The following CKAP5 variants were observed in gnomAD, a reference collection of about 807,000 sequenced individuals.
The protein encoded by CKAP5 is cytoskeleton-associated protein 5.
A neutral mutation model predicts 232.8 loss-of-function variants in CKAP5; 27 were observed. The observed-to-expected ratio is 0.12, with a 90% CI of 0.09 to 0.16. The LOEUF is 0.16. Among genes scored for constraint, CKAP5 ranks in the 10% least tolerant of loss-of-function variants. The pLI is 1.00. For missense variants in CKAP5, 1,838 were observed against 2,424.7 expected, an observed-to-expected ratio of 0.76 and a Z score of 5.08; for synonymous variants, 785 against 841.1, an observed-to-expected ratio of 0.93 and a Z score of 1.16.
At chr11:46,765,598 T>C (rs2065195988) in intron 27 of CKAP5, among the ~76,000 whole-genome samples, 1 of 108,082 alleles carries the variant, frequency 9.3e-6, no homozygotes, top group Admixed American at 1.4e-4. Context: ...ATTAATGACA[T>C]CTTTTTTTTT....
In CKAP5 at chr11:46,788,743, G is replaced by T. The variant is rs931678003; in HGVS notation, c.1906C>A (p.Pro636Thr). 6.2e-7 allele frequency: 1 copy of T among 1,608,312 alleles called. No individual in the cohort carries two copies. Among genetic ancestry groups the T allele is most frequent in the Non-Finnish European group, 8.5e-7 (1 of 1,178,046 alleles). Residue 636 changes from proline to threonine, a missense_variant, in exon 16 of 44, where the codon CCA becomes ACA. Pro to Thr is a conservative substitution (Grantham distance 38). Coordinates refer to ENST00000529230, the MANE Select transcript of CKAP5 (RefSeq NM_001008938.4). Reference protein sequence around the residue: ...AVELMDRTEMPCQALVRMLAK... With the variant: ...AVELMDRTEMTCQALVRMLAK... ...AGCATCCTCACTAATGCCTGGCATG[G>T]CATTTCAGTTCGGTCCATTAGCTCA... is the stretch of plus-strand genomic sequence containing the variant.
rs1051576834 is a variant in CKAP5 at position 46,765,246 on chromosome 11, C to A, written c.3422G>T (p.Gly1141Val). 26 of 1,611,066 alleles carry A rather than the reference C, an allele frequency of 1.6e-5. No individual in the cohort carries two copies. The highest frequency in any genetic ancestry group is 2.1e-5 in the Non-Finnish European group (25 of 1,178,882). The change falls in exon 28 of 44, where the codon GGG (glycine) becomes GTG (valine). Residue 1141 changes from glycine (G) to valine (V), a missense_variant. This residue lies in a region of CKAP5 where 767 missense variants were observed against 954.6 expected (regional missense o/e 0.80). Transcript: ENST00000529230. ...GCTGGTTTTGCTTGGCATCTTCTTC[C>A]CTTGTGCACTCTACAACCAAGGTTC... ...GLSSKAKSAQ[G>V]KKMPSKTSLK...
chr11:46,786,287 T>C (rs1214426403), intron 16 of CKAP5, among the ~76,000 whole-genome samples: 1 of 152,224 alleles, frequency 6.6e-6, no homozygotes, highest in Non-Finnish European at 1.5e-5. Flanking sequence ...AGCTCCACAG[T>C]AGCCTTCAAA....
chr11:46,750,156 T>C (rs1413651947), intron 42 of CKAP5, 118 bp downstream of exon 42: 1 of 968,536 alleles, frequency 1.0e-6, no homozygotes, highest in East Asian at 2.4e-5. Flanking sequence ...GGGAAGGCCA[T>C]TTGGTGACCA....
In CKAP5 at chr11:46,829,282, T is replaced by C. The variant is rs146099857; in HGVS notation, c.-37-8014A>G. ...ATGACAAGGATGAAGACCTTTATGA[T>C]GATCCACTTCCATTTAATGAATAGT... On this transcript the variant is annotated intron_variant, in intron 1 of 43. Coordinates refer to ENST00000529230, the MANE Select transcript of CKAP5 (RefSeq NM_001008938.4). Among the ~76,000 whole-genome samples, 400 of 152,326 alleles carry C rather than the reference T, an allele frequency of 2.6e-3. 1 individual carries two copies. Among genetic ancestry groups the C allele is most frequent in the African/African-American group, 9.2e-3 (384 of 41,572 alleles).
In CKAP5 at chr11:46,767,521, A is replaced by G. The variant is rs1176448601; in HGVS notation, c.3411+54T>C. ...ATCCTTCCTAATAGAATGACTCAGT[A>G]TATAAAATATATTTAAAAGCAAGTC... On this transcript the variant is annotated intron_variant, in intron 27 of 43. Transcript: ENST00000529230. 1.8e-5 allele frequency: 20 copies of G among 1,090,362 alleles called. No homozygotes were observed. The East Asian group carries it at 4.0e-4, about 22-fold the overall frequency. The allele number at this position is 1,090,362 out of a possible 1,614,324, so 67.5% of individuals were successfully genotyped here. A position where few individuals can be genotyped will look rare whatever the true frequency, so the allele number is the denominator to read the frequency against.
rs539659480 is a variant in CKAP5, at chr11:46,772,831, T to G, written c.2992-1849A>C. On this transcript the variant is annotated intron_variant, in intron 24 of 43. Coordinates refer to ENST00000529230, the MANE Select transcript of CKAP5 (RefSeq NM_001008938.4). Reference sequence around the variant, plus strand: ...ATCTTGGCTCACTGCAACCTCTGCCTCCCGGGTTCAAGTGATTCTCCTGCC... The same window carrying G: ...ATCTTGGCTCACTGCAACCTCTGCCGCCCGGGTTCAAGTGATTCTCCTGCC... Among the ~76,000 whole-genome samples, 11 of 152,132 alleles carry G rather than the reference T, an allele frequency of 7.2e-5. No homozygotes were observed. In the South Asian group the frequency reaches 2.3e-3, roughly 32 times the overall value.
chr11:46,780,534 T>A, intron 18 of CKAP5, 49 bp from the exon 19 acceptor site: 1 of 1,526,608 alleles, frequency 6.6e-7, no homozygotes, highest in Non-Finnish European at 9.0e-7. Flanking sequence ...ACCCTCAAAA[T>A]ACTCAATAAC....
chr11:46,758,732 T>C, intron 35 of CKAP5, 191 bp downstream of exon 35: 1 of 392,614 alleles, frequency 2.5e-6, no homozygotes, highest in South Asian at 5.1e-5. Flanking sequence ...AAAAAAAAAA[T>C]AAGGCTCTAT....
intron 8 of CKAP5, among the ~76,000 whole-genome samples, chr11:46,803,190 G>A (rs1156443936): frequency 6.6e-6 from 1 of 151,962 alleles, no homozygotes; most frequent in Non-Finnish European, 1.5e-5. Flanking sequence ...CTTGAACCTG[G>A]GAGGCGGAGG....
At chr11:46,782,553 C>A (rs2065353352) in intron 18 of CKAP5, among the ~76,000 whole-genome samples, 1 of 152,086 alleles carries the variant, frequency 6.6e-6, no homozygotes, top group Non-Finnish European at 1.5e-5. Context: ...TATTAACAGG[C>A]ATGTTGCAAA....
In CKAP5 at chr11:46,840,503, C is replaced by T. The variant is rs191120972; in HGVS notation, c.-38+5717G>A. Among the ~76,000 whole-genome samples the T allele has an allele frequency of 2.8e-3, 422 of 152,322 alleles. 2 individuals carry two copies. The highest frequency in any genetic ancestry group is 9.6e-3 in the African/African-American group (400 of 41,570). On this transcript the variant is annotated intron_variant, in intron 1 of 43. Coordinates refer to ENST00000529230, the MANE Select transcript of CKAP5 (RefSeq NM_001008938.4). ...CCCTGTCAAAATTTTTAACACTTATCCTAAGGCACTGTTAAAGTTGTTTAT... is the reference window on the plus strand; with the variant it reads ...CCCTGTCAAAATTTTTAACACTTATTCTAAGGCACTGTTAAAGTTGTTTAT...
chr11:46,813,436 T>A (rs1939320906), intron 4 of CKAP5, among the ~76,000 whole-genome samples: 1 of 152,132 alleles, frequency 6.6e-6, no homozygotes, highest in South Asian at 2.1e-4. Flanking sequence ...CAAGTCCACA[T>A]GGAAAATAGA....
Position 46,810,811 on chromosome 11 carries a change from A to G in CKAP5, c.630+196T>C, listed in dbSNP as rs181417991. Among the ~76,000 whole-genome samples, 114 of 152,326 alleles carry G rather than the reference A, an allele frequency of 7.5e-4. 1 individual carries two copies. Among genetic ancestry groups the G allele is most frequent in the Middle Eastern group, 3.4e-3 (1 of 294 alleles). On this transcript the variant is annotated intron_variant, in intron 5 of 43. Transcript: ENST00000529230. ...AACCAATTGTAATAAAAAGCCAGAA[A>G]GAATGTACTTCACACAGATAATAAG...
chr11:46,769,304 C>T (rs1191861439), intron 26 of CKAP5, among the ~76,000 whole-genome samples: 1 of 152,168 alleles, frequency 6.6e-6, no homozygotes, highest in Non-Finnish European at 1.5e-5. Flanking sequence ...TAGATTCTCC[C>T]AATTCCTCTT....
chr11:46,765,178 C>G lies in CKAP5; in HGVS notation c.3490G>C (p.Val1164Leu). The change falls in exon 28 of 44, where the codon GTT becomes CTT. Residue 1164 changes from valine (V) to leucine (L), a missense_variant. Val to Leu is a conservative substitution (Grantham distance 32). Around this residue, in one of 6 missense-constraint regions of CKAP5, gnomAD observed 767 missense variants for 954.6 expected, o/e 0.80. Coordinates refer to ENST00000529230, the MANE Select transcript of CKAP5 (RefSeq NM_001008938.4). ...ATCCTTTGCTCTTTTCCATTTGGAA[C>G]AACAATAAAAATAGGCCCGGATTTG... ...EDKSGPIFIVVPNGKEQRMKD... is the reference protein window; with the variant it reads ...EDKSGPIFIVLPNGKEQRMKD... 1 of 1,613,050 alleles carries G rather than the reference C, an allele frequency of 6.2e-7. No individual in the cohort carries two copies. The highest frequency in any genetic ancestry group is 8.5e-7 in the Non-Finnish European group (1 of 1,179,580).
intron 24 of CKAP5, among the ~76,000 whole-genome samples, chr11:46,772,043 T>G (rs2065251630): frequency 6.6e-6 from 1 of 151,918 alleles, no homozygotes; most frequent in Non-Finnish European, 1.5e-5. Context: ...CTTTTTTTTT[T>G]TTTTTTTTAA....
chr11:46,843,844 T>C (rs1248369986), intron 1 of CKAP5, among the ~76,000 whole-genome samples: 2 of 152,150 alleles, frequency 1.3e-5, no homozygotes, highest in East Asian at 3.8e-4. Flanking sequence ...ATGGATATTA[T>C]GTCTGGCTGG....
intron 8 of CKAP5, 92 bp from the exon 9 acceptor site, chr11:46,801,396 G>T: frequency 1.1e-6 from 1 of 951,456 alleles, no homozygotes. Context: ...GAGGCCGGGT[G>T]CAGCGGCTCA....
Sources: gnomAD v4.1 joint callset for allele counts (sites outside exome capture counted in the v4.1 genomes callset) on GRCh38, gnomAD v4.1.1 for gene constraint, gnomAD v4.1.1 regional missense constraint, MANE v1.5 for transcripts, NCBI Gene and HGNC (gene_info 2026-07-23, HGNC 2026-07-21) for gene names.